ZMAT4: variants seen among roughly 807,000 people sequenced by gnomAD.
The protein encoded by ZMAT4 is zinc finger matrin-type protein 4.
In ZMAT4, 17 loss-of-function variants were observed where a neutral mutation model predicts 28.7. That is an observed-to-expected ratio of 0.59 (90% CI 0.41 to 0.89). The LOEUF (loss-of-function observed/expected upper bound fraction) is 0.89. Ranked by LOEUF, ZMAT4 falls within the 40% of genes least tolerant of loss-of-function variation. The pLI is 0.00. For synonymous variants in ZMAT4, 117 were observed against 109.2 expected (o/e 1.07, Z -0.44); for missense variants, 240 against 283.8 (o/e 0.85, Z 1.11).
intron 1 of ZMAT4, among the ~76,000 whole-genome samples, chr8:40,893,848 A>G (rs1211120452): frequency 6.6e-6 from 1 of 152,032 alleles, no homozygotes; most frequent in East Asian, 1.9e-4. Context: ...GTAGGCCCCT[A>G]TTGTTCCCCT....
At chr8:40,728,505 G>A (rs1382334576) in intron 3 of ZMAT4, among the ~76,000 whole-genome samples, 1 of 152,160 alleles carries the variant, frequency 6.6e-6, no homozygotes, top group Non-Finnish European at 1.5e-5. Context: ...GGGCCATTGT[G>A]TGCCATTGTA....
intron 6 of ZMAT4, among the ~76,000 whole-genome samples, chr8:40,547,218 G>A (rs1803231419): frequency 6.6e-6 from 1 of 152,188 alleles, no homozygotes; most frequent in African/African-American, 2.4e-5. Flanking sequence ...GAGCCAGGAA[G>A]AAGGTGTTCA....
intron 2 of ZMAT4, among the ~76,000 whole-genome samples, chr8:40,823,140 C>G (rs145064609): frequency 6.6e-6 from 1 of 152,128 alleles, no homozygotes; most frequent in Non-Finnish European, 1.5e-5. Flanking sequence ...CACCCACCCC[C>G]TCCACGAACC....
At chr8:40,584,171 C>T (rs772975855) in intron 5 of ZMAT4, among the ~76,000 whole-genome samples, 4 of 152,100 alleles carry the variant, frequency 2.6e-5, no homozygotes, top group East Asian at 1.9e-4. Context: ...AGAATCAATT[C>T]GCACTTCCTG....
intron 1 of ZMAT4, among the ~76,000 whole-genome samples, chr8:40,897,471 TAGG>T (rs1225524122): frequency 1.3e-5 from 2 of 152,268 alleles, no homozygotes; most frequent in East Asian, 3.9e-4. Context: ...CGCAGCTAAT[TAGG>T]AGTAGTAAAC....
chr8:40,664,923 A>G (rs546579561), intron 5 of ZMAT4, among the ~76,000 whole-genome samples: 6 of 152,258 alleles, frequency 3.9e-5, no homozygotes, highest in African/African-American at 9.6e-5. Context: ...GTGTCACCAC[A>G]TTGACATGAC....
intron 5 of ZMAT4, among the ~76,000 whole-genome samples, chr8:40,660,051 G>A (rs139930652): frequency 1.6e-4 from 25 of 152,274 alleles, no homozygotes; most frequent in African/African-American, 5.3e-4. Context: ...GAAAAGCTGT[G>A]CTACCATGCC....
intron 4 of ZMAT4, among the ~76,000 whole-genome samples, chr8:40,677,307 T>G (rs1585863399): frequency 6.6e-6 from 1 of 152,072 alleles, no homozygotes; most frequent in East Asian, 1.9e-4. Flanking sequence ...TTTTTTTTTT[T>G]TTTTGCTTCT....
chr8:40,778,476 A>G (rs1445028145), intron 2 of ZMAT4, among the ~76,000 whole-genome samples: 1 of 152,206 alleles, frequency 6.6e-6, no homozygotes, highest in African/African-American at 2.4e-5. Context: ...GGCAGGGATG[A>G]AAATTCTCTC....
intron 1 of ZMAT4, among the ~76,000 whole-genome samples, chr8:40,893,424 T>G (rs918328742): frequency 1.3e-5 from 2 of 152,150 alleles, no homozygotes; most frequent in African/African-American, 4.8e-5. Flanking sequence ...AAAAGGCACA[T>G]AAGCACATGC....
At chr8:40,852,788 T>G (rs1040925769) in intron 1 of ZMAT4, among the ~76,000 whole-genome samples, 4 of 152,182 alleles carry the variant, frequency 2.6e-5, no homozygotes, top group Non-Finnish European at 5.9e-5. Context: ...CTTCCAAATG[T>G]TGATACATTT....
intron 3 of ZMAT4, among the ~76,000 whole-genome samples, chr8:40,756,858 T>C (rs998529853): frequency 3.3e-5 from 5 of 152,174 alleles, no homozygotes; most frequent in African/African-American, 1.2e-4. Flanking sequence ...TTATTTGATA[T>C]ACATTGGTGA....
intron 2 of ZMAT4, among the ~76,000 whole-genome samples, chr8:40,795,370 C>T (rs1415524495): frequency 5.9e-5 from 9 of 152,138 alleles, no homozygotes; most frequent in African/African-American, 1.9e-4. Flanking sequence ...GCCAAGGACA[C>T]GAATTAAAAG....
chr8:40,659,343 C>T (rs771052044), intron 5 of ZMAT4, among the ~76,000 whole-genome samples: 7 of 152,080 alleles, frequency 4.6e-5, no homozygotes, highest in African/African-American at 9.7e-5. Flanking sequence ...TGAGGGAGTG[C>T]GTTGAGACAC....
At chr8:40,693,703 A>G (rs1809754726) in intron 4 of ZMAT4, among the ~76,000 whole-genome samples, 1 of 152,250 alleles carries the variant, frequency 6.6e-6, no homozygotes, top group South Asian at 2.1e-4. Flanking sequence ...AAAAGCAGCC[A>G]CAGACAATAT....
chr8:40,620,946 C>T (rs1806177148), intron 5 of ZMAT4, among the ~76,000 whole-genome samples: 1 of 152,200 alleles, frequency 6.6e-6, no homozygotes, highest in Non-Finnish European at 1.5e-5. Flanking sequence ...ATTTCCAATG[C>T]ATCTTAGGAA....
At chr8:40,737,843 A>G (rs2150531958) in intron 3 of ZMAT4, among the ~76,000 whole-genome samples, 1 of 152,036 alleles carries the variant, frequency 6.6e-6, no homozygotes, top group Non-Finnish European at 1.5e-5. Flanking sequence ...GGATAATAGT[A>G]CCTACATCAA....
chr8:40,750,125 C>T (rs1812394920), intron 3 of ZMAT4, among the ~76,000 whole-genome samples: 1 of 152,036 alleles, frequency 6.6e-6, no homozygotes, highest in African/African-American at 2.4e-5. Context: ...TGACCTGCAC[C>T]AAATCCAGGT....
chr8:40,538,643 C>T (rs964544960), intron 6 of ZMAT4, among the ~76,000 whole-genome samples: 1 of 152,162 alleles, frequency 6.6e-6, no homozygotes, highest in African/African-American at 2.4e-5. Flanking sequence ...TTACAGAACT[C>T]GAAATCTGGT....
Sources: allele counts gnomAD v4.1 joint callset (sites outside exome capture counted in the v4.1 genomes callset), GRCh38; gene constraint gnomAD v4.1.1; transcripts MANE v1.5; gene names NCBI Gene and HGNC (gene_info 2026-07-23, HGNC 2026-07-21).